SYNJ2BP: variants seen among roughly 807,000 people sequenced by gnomAD.
The protein encoded by SYNJ2BP is synaptojanin 2 binding protein, also known as synaptojanin-2-binding protein.
In SYNJ2BP, 10 loss-of-function variants were observed where a neutral mutation model predicts 16.9. The observed-to-expected ratio is 0.59, with a 90% CI of 0.36 to 1.00. The LOEUF is 1.00. Ranked by LOEUF, SYNJ2BP falls within the 50% of genes least tolerant of loss-of-function variation. The probability of loss-of-function intolerance (pLI) is 0.01; values close to 1 mark genes in which losing one functional copy is unlikely to be tolerated. For missense variants in SYNJ2BP, 162 were observed against 186.7 expected, an observed-to-expected ratio of 0.87 and a Z score of 0.77; for synonymous variants, 54 against 68.4, an observed-to-expected ratio of 0.79 and a Z score of 1.04.
Position 70,409,581 on chromosome 14 carries a change from C to A in SYNJ2BP, c.64+7319G>T, listed in dbSNP as rs1888424575. ...TTCTTTAGTATTGTTTTGAAAAGAT[C>A]TTAATACTGATCCTTGAAGCAATCT... On this transcript the variant is annotated intron_variant, in intron 1 of 3. Coordinates refer to ENST00000256366, the MANE Select transcript of SYNJ2BP (RefSeq NM_018373.3). Among the ~76,000 whole-genome samples the A allele has an allele frequency of 2.0e-5, 3 of 152,152 alleles. No individual in the cohort carries two copies. In the South Asian group the frequency reaches 6.2e-4, roughly 32 times the overall value.
At chr14:70,395,450 CATCA>C (rs964354124) in intron 1 of SYNJ2BP, among the ~76,000 whole-genome samples, 2 of 151,874 alleles carry the variant, frequency 1.3e-5, no homozygotes, top group Non-Finnish European at 2.9e-5. Flanking sequence ...TTCTCCCAGA[CATCA>C]ATCAAACTCC....
At chr14:70,396,997 C>T (rs1451144367) in intron 1 of SYNJ2BP, among the ~76,000 whole-genome samples, 5 of 152,116 alleles carry the variant, frequency 3.3e-5, no homozygotes, top group Admixed American at 6.6e-5. Context: ...TAATGAAGCC[C>T]GGTTTATCTT....
chr14:70,411,534 C>G (rs976744275), intron 1 of SYNJ2BP, among the ~76,000 whole-genome samples: 1 of 152,226 alleles, frequency 6.6e-6, no homozygotes, highest in Non-Finnish European at 1.5e-5. Flanking sequence ...GCTACCTCTT[C>G]TCTCTTGAAT....
chr14:70,408,545 C>T (rs1314570056), intron 1 of SYNJ2BP, among the ~76,000 whole-genome samples: 6 of 151,690 alleles, frequency 4.0e-5, no homozygotes, highest in African/African-American at 1.2e-4. Context: ...TGGTAGCGGG[C>T]GCCTGTAATC....
intron 2 of SYNJ2BP, among the ~76,000 whole-genome samples, chr14:70,383,375 T>C (rs567840359): frequency 4.7e-4 from 71 of 152,344 alleles, no homozygotes; most frequent in African/African-American, 1.7e-3. Flanking sequence ...AACTTTCCCA[T>C]AGCACTTGGC....
intron 1 of SYNJ2BP, among the ~76,000 whole-genome samples, chr14:70,400,173 C>T (rs776161489): frequency 6.6e-6 from 1 of 152,228 alleles, no homozygotes; most frequent in Admixed American, 6.5e-5. Context: ...TATAATCCAT[C>T]TTTTGAAGAG....
At position 70,389,533 on chromosome 14, in the gene SYNJ2BP, G is replaced by T. The variant is rs570878849; in HGVS notation, c.65-927C>A. ...CTACTTCAAGTACAACCATATATAG[G>T]TTGAGTATCCCTTATCCAAAATGCT... On this transcript the variant is annotated intron_variant, in intron 1 of 3. Coordinates refer to ENST00000256366, the MANE Select transcript of SYNJ2BP (RefSeq NM_018373.3). Among the ~76,000 whole-genome samples the T allele has an allele frequency of 3.9e-5, 6 of 152,154 alleles. No homozygotes were observed. The South Asian group carries it at 8.3e-4, about 21-fold the overall frequency.
intron 2 of SYNJ2BP, among the ~76,000 whole-genome samples, chr14:70,377,517 C>T (rs960037929): frequency 6.6e-6 from 1 of 152,210 alleles, no homozygotes; most frequent in African/African-American, 2.4e-5. Context: ...ATTTCTACCT[C>T]TCTCCCTAGC....
chr14:70,388,069 T>G (rs1248547640), intron 2 of SYNJ2BP, among the ~76,000 whole-genome samples: 1 of 152,180 alleles, frequency 6.6e-6, no homozygotes, highest in Non-Finnish European at 1.5e-5. Flanking sequence ...TGTTTTGTGA[T>G]GTTAAATCCA....
chr14:70,412,624 A>AGTATATATACAGTATATATGTATG (rs1286034212), intron 1 of SYNJ2BP, among the ~76,000 whole-genome samples: 1 of 43,660 alleles, frequency 2.3e-5, no homozygotes, highest in African/African-American at 6.7e-5. Flanking sequence ...ATATATGTAT[A>AGTATATATACAGTATATATGTATG]TATAGTAACT....
chr14:70,379,938 GTCACTATA>G (rs1566615869), intron 2 of SYNJ2BP, among the ~76,000 whole-genome samples: 1 of 152,178 alleles, frequency 6.6e-6, no homozygotes, highest in African/African-American at 2.4e-5. Flanking sequence ...AGATAACTGG[GTCACTATA>G]TTAAATGGTA....
chr14:70,398,869 G>A (rs4899345), intron 1 of SYNJ2BP, among the ~76,000 whole-genome samples: 15,952 of 152,158 alleles, frequency 0.1, 1,025 homozygotes, highest in Admixed American at 0.15. Flanking sequence ...TCGCCCTGGC[G>A]CTGAGGGGTG....
chr14:70,407,176 CCTAG>C (rs1888363843), intron 1 of SYNJ2BP, among the ~76,000 whole-genome samples: 1 of 152,058 alleles, frequency 6.6e-6, no homozygotes, highest in Non-Finnish European at 1.5e-5. Context: ...CACCTGTACT[CCTAG>C]CACTTTGGGA....
At chr14:70,388,697 G>T in intron 1 of SYNJ2BP, 91 bp from the exon 2 acceptor site, 1 of 1,375,226 alleles carries the variant, frequency 7.3e-7, no homozygotes. Context: ...AAAGCCTACT[G>T]GGGAGGAAAG....
intron 3 of SYNJ2BP, 82 bp downstream of exon 3, chr14:70,375,594 C>T (rs1280940556): frequency 6.0e-6 from 9 of 1,501,096 alleles, no homozygotes; most frequent in Admixed American, 2.2e-5. Flanking sequence ...AAAAGCAACA[C>T]TGAAGATTAC....
At chr14:70,380,008 G>A (rs542345224) in intron 2 of SYNJ2BP, among the ~76,000 whole-genome samples, 1 of 152,186 alleles carries the variant, frequency 6.6e-6, no homozygotes, top group Non-Finnish European at 1.5e-5. Flanking sequence ...AATAATTGCA[G>A]AGAATTATTG....
At position 70,402,385 on chromosome 14, in the gene SYNJ2BP, T is replaced by C. The variant is rs186974663; in HGVS notation, c.65-13779A>G. On this transcript the variant is annotated intron_variant, in intron 1 of 3. Transcript: ENST00000256366. ...AGAAAGGTGTGGCTTAATGTCTTTG[T>C]AGTGAGGTGCGCTGTGGAGGTTTGT... Among the ~76,000 whole-genome samples the C allele has an allele frequency of 1.1e-4, 16 of 152,286 alleles. No individual in the cohort carries two copies. The East Asian group carries it at 3.1e-3, about 29-fold the overall frequency.
intron 1 of SYNJ2BP, among the ~76,000 whole-genome samples, chr14:70,390,609 A>G (rs997515840): frequency 6.6e-6 from 1 of 151,928 alleles, no homozygotes; most frequent in Non-Finnish European, 1.5e-5. Flanking sequence ...TGGAGTTTGC[A>G]GTGAGCTGAG....
At chr14:70,395,641 A>C (rs1394256498) in intron 1 of SYNJ2BP, among the ~76,000 whole-genome samples, 1 of 152,260 alleles carries the variant, frequency 6.6e-6, no homozygotes, top group Non-Finnish European at 1.5e-5. Context: ...AATAAACTTA[A>C]CATAAAATTT....
Sources: gnomAD v4.1 joint callset for allele counts (sites outside exome capture counted in the v4.1 genomes callset) on GRCh38, gnomAD v4.1.1 for gene constraint, MANE v1.5 for transcripts, NCBI Gene and HGNC (gene_info 2026-07-23, HGNC 2026-07-21) for gene names.